Variants in L3MBTL2 observed in about 807,000 individuals in gnomAD.
L3MBTL2 encodes the protein lethal(3)malignant brain tumor-like protein 2.
A neutral mutation model predicts 86.4 loss-of-function variants in L3MBTL2; 49 were observed. The observed-to-expected ratio is 0.57, with a 90% CI of 0.45 to 0.72. L3MBTL2 has a LOEUF of 0.72. Among genes scored for constraint, L3MBTL2 ranks in the 30% least tolerant of loss-of-function variants. L3MBTL2 has a pLI of 0.00. For synonymous variants in L3MBTL2, 336 were observed against 350.6 expected, an observed-to-expected ratio of 0.96 and a Z score of 0.47; for missense variants, 755 against 923.7, an observed-to-expected ratio of 0.82 and a Z score of 2.37.
chr22:41,205,355 G>C lies in L3MBTL2; in HGVS notation c.-8G>C, dbSNP rs775776115. The C allele has an allele frequency of 3.1e-6, 5 of 1,614,192 alleles. No homozygotes were observed. The highest frequency in any genetic ancestry group is 4.2e-6 in the Non-Finnish European group (5 of 1,180,040). On this transcript the variant is annotated 5_prime_UTR_variant, in exon 1 of 17. Transcript: ENST00000216237. ...GCACCTGGTGACGCTTGGCGAAACT[G>C]AGGTCTCATGGAGAAGCCCCGGAGT...
At position 41,225,118 on chromosome 22, in the gene L3MBTL2, G is replaced by C; in HGVS notation, c.1356+47G>C. ...CAGCCTCCAGATTTCTGAGCGGGGG[G>C]ACCCATGTGGCCCAGAGCTCTAACC... On this transcript the variant is annotated intron_variant, in intron 11 of 16. Transcript: ENST00000216237. This position sits in a 1 kb window ranked among gnomAD's most constrained non-coding sequence, Gnocchi z 4.1. The C allele has an allele frequency of 1.3e-6, 2 of 1,506,400 alleles. No homozygotes were observed. The highest frequency in any genetic ancestry group is 2.3e-5 in the East Asian group (1 of 44,270). 93.3% of individuals were successfully genotyped at this position (1,506,400 alleles called of 1,614,324 possible). A position where few individuals can be genotyped will look rare whatever the true frequency, so the allele number is the denominator to read the frequency against.
Position 41,229,552 on chromosome 22 carries a change from C to T in L3MBTL2, c.1901C>T (p.Pro634Leu), listed in dbSNP as rs753249849. ...TTTTTATTCAAAGGGAAAAGAATCC[C>T]GCCCACTAAGACGCGACCCCTCAGA... ...KQFGKKRKRI[P>L]PTKTRPLRQG... is the part of the protein sequence containing the mutation. Residue 634 changes from proline to leucine, a missense_variant, in exon 16 of 17, where the codon CCG (proline) becomes CTG (leucine). Transcript: ENST00000216237. 1.4e-5 allele frequency: 23 copies of T among 1,610,634 alleles called. No individual in the cohort carries two copies. Among genetic ancestry groups the T allele is most frequent in the Non-Finnish European group, 1.9e-5 (22 of 1,177,388 alleles).
chr22:41,221,169 G>A (rs2031790636), intron 7 of L3MBTL2, 30 bp from the exon 8 acceptor site: 1 of 1,529,722 alleles, frequency 6.5e-7, no homozygotes, highest in Non-Finnish European at 8.8e-7. Flanking sequence ...GTCAGTCTGT[G>A]TAACCAGGAT....
At chr22:41,219,709 AGGCTTGGAAACCCC>A (rs1360478261) in intron 6 of L3MBTL2, among the ~76,000 whole-genome samples, 173 bp downstream of exon 6, 1 of 152,144 alleles carries the variant, frequency 6.6e-6, no homozygotes, top group East Asian at 1.9e-4. Flanking sequence ...AGAGCTTGGC[AGGCTTGGAAACCCC>A]AAATTTTTTT....
At position 41,219,429 on chromosome 22, in the gene L3MBTL2, A is replaced by G. The variant is rs759050199; in HGVS notation, c.611A>G (p.Tyr204Cys). The G allele has an allele frequency of 2.5e-6, 4 of 1,607,762 alleles. No individual in the cohort carries two copies. In the African/African-American group the frequency reaches 4.0e-5, roughly 16 times the overall value. ...PVSCFKHVPL[Y>C]DQWEDVMKGM... Reference sequence around the variant, plus strand: ...CTCATCGCCACACAGGTCCCACTCTATGACCAGTGGGAGGATGTGATGAAA... The same window carrying G: ...CTCATCGCCACACAGGTCCCACTCTGTGACCAGTGGGAGGATGTGATGAAA... The change falls in exon 6 of 17, where the codon TAT (tyrosine) becomes TGT (cysteine). Residue 204 changes from tyrosine (Y) to cysteine (C), a missense_variant. Transcript: ENST00000216237.
At chr22:41,213,638 C>T in intron 2 of L3MBTL2, 1 of 327,404 alleles carries the variant, frequency 3.1e-6, no homozygotes, top group Non-Finnish European at 5.6e-6. Context: ...ACCTGTTCCC[C>T]CAGTCGTCCT....
At chr22:41,209,981 A>G in intron 2 of L3MBTL2, 48 bp downstream of exon 2, 1 of 1,596,788 alleles carries the variant, frequency 6.3e-7, no homozygotes, top group South Asian at 1.1e-5. Context: ...AGAAGATTAT[A>G]GAGGAAGAGG....
chr22:41,226,204 G>A (rs2032172035), intron 12 of L3MBTL2, among the ~76,000 whole-genome samples: 1 of 152,062 alleles, frequency 6.6e-6, no homozygotes, highest in Non-Finnish European at 1.5e-5. Flanking sequence ...TTGAACCCAG[G>A]AGGTGGAGGT....
chr22:41,225,498 G>A lies in L3MBTL2; in HGVS notation c.1357-296G>A, dbSNP rs892595851. ...TGGAGGAGGCTGCTGACTCGTCCTC[G>A]CCGCGGATCCGCTCCATGCCGGGCG... On this transcript the variant is annotated intron_variant, in intron 11 of 16. Coordinates refer to ENST00000216237, the MANE Select transcript of L3MBTL2 (RefSeq NM_031488.5). This position sits in a 1 kb window ranked among gnomAD's most constrained non-coding sequence, Gnocchi z 4.1. Among the ~76,000 whole-genome samples, 1 of 152,000 alleles carries A rather than the reference G, an allele frequency of 6.6e-6. No individual in the cohort carries two copies. Among genetic ancestry groups the A allele is most frequent in the Non-Finnish European group, 1.5e-5 (1 of 67,996 alleles).
Position 41,226,717 on chromosome 22 carries a change from A to C in L3MBTL2, c.1560A>C (p.Lys520Asn). 1 of 1,614,016 alleles carries C rather than the reference A, an allele frequency of 6.2e-7. No individual in the cohort carries two copies. Among genetic ancestry groups the C allele is most frequent in the African/African-American group, 1.3e-5 (1 of 75,052 alleles). Residue 520 changes from lysine to asparagine, a missense_variant, in exon 13 of 17, where the codon AAA becomes AAC. By Grantham distance (94) the Lys-to-Asn change is moderately conservative (BLOSUM62 0). Transcript: ENST00000216237. Reference sequence around the variant, plus strand: ...ACTACTTGGAGAAGACCAAGTCGAAAGCCGCTCCATCGAGACTCTTTAACA... The same window carrying C: ...ACTACTTGGAGAAGACCAAGTCGAACGCCGCTCCATCGAGACTCTTTAACA... Reference protein sequence around the residue: ...WENYLEKTKSKAAPSRLFNMD... With the variant: ...WENYLEKTKSNAAPSRLFNMD...
chr22:41,219,662 C>T (rs2031669453), intron 6 of L3MBTL2, 126 bp downstream of exon 6: 1 of 657,488 alleles, frequency 1.5e-6, no homozygotes, highest in Non-Finnish European at 2.7e-6. Flanking sequence ...AATTTTTGCC[C>T]CACTTCTAAG....
rs1303916499 is a variant in L3MBTL2 at position 41,224,364 on chromosome 22, C to T, written c.1174+113C>T. 2 of 750,554 alleles carry T rather than the reference C, an allele frequency of 2.7e-6. No homozygotes were observed. The highest frequency in any genetic ancestry group is 2.2e-6 in the Non-Finnish European group (1 of 458,766). The allele number at this position is 750,554 out of a possible 1,614,324, so 46.5% of individuals were successfully genotyped here. On this transcript the variant is annotated intron_variant, in intron 9 of 16. Transcript: ENST00000216237. This position sits in a 1 kb window ranked among gnomAD's most constrained non-coding sequence, Gnocchi z 4.9. ...AGCAGGTGGAGGTTGGCATGGCCCC[C>T]CTGCAGTGATGATACTGAGCTCCAG...
intron 3 of L3MBTL2, among the ~76,000 whole-genome samples, chr22:41,215,522 T>TTCC (rs1340712426): frequency 2.0e-5 from 3 of 152,230 alleles, no homozygotes; most frequent in African/African-American, 7.2e-5. Context: ...ATTCCTGGCC[T>TTCC]TCCTGTTCAG....
intron 8 of L3MBTL2, among the ~76,000 whole-genome samples, chr22:41,222,447 A>G (rs923218377): frequency 1.3e-5 from 2 of 152,188 alleles, no homozygotes; most frequent in African/African-American, 2.4e-5. Context: ...TGTGGCATTT[A>G]ATTTTAAGAA....
chr22:41,212,149 C>T (rs375807890), intron 2 of L3MBTL2, among the ~76,000 whole-genome samples: 61 of 152,324 alleles, frequency 4.0e-4, no homozygotes, highest in Non-Finnish European at 3.5e-4. Flanking sequence ...CAGGCGTGAG[C>T]CACCGCTCCC....
intron 5 of L3MBTL2, 91 bp downstream of exon 5, chr22:41,217,293 C>A: frequency 1.1e-6 from 1 of 940,078 alleles, no homozygotes; most frequent in African/African-American, 1.6e-5. Flanking sequence ...TCAGGCTGGA[C>A]AGTGACAGTG....
At chr22:41,229,705 C>CA (rs777847637) in intron 16 of L3MBTL2, 49 bp downstream of exon 16, 195 of 1,612,514 alleles carry the variant, frequency 1.2e-4, no homozygotes, top group Non-Finnish European at 1.6e-4. Context: ...GCTCCGTGCT[C>CA]AGAGACGACC....
chr22:41,206,534 C>T (rs2030225185), intron 1 of L3MBTL2, among the ~76,000 whole-genome samples: 1 of 151,980 alleles, frequency 6.6e-6, no homozygotes. Context: ...TGCGGTGGCT[C>T]ACGCCTGTAA....
intron 1 of L3MBTL2, among the ~76,000 whole-genome samples, 164 bp downstream of exon 1, chr22:41,205,550 T>C (rs1466281588): frequency 2.0e-5 from 3 of 152,098 alleles, no homozygotes; most frequent in Non-Finnish European, 4.4e-5. Flanking sequence ...TTGACGTTAC[T>C]TTTTGCCCCT....
Sources: allele counts gnomAD v4.1 joint callset (sites outside exome capture counted in the v4.1 genomes callset), GRCh38; gene constraint gnomAD v4.1.1; non-coding constraint Gnocchi (gnomAD v3.1); transcripts MANE v1.5; gene names NCBI Gene and HGNC (gene_info 2026-07-23, HGNC 2026-07-21).